Variants in RAB10 observed in about 807,000 individuals in gnomAD.
The protein encoded by RAB10 is RAB10, member RAS oncogene family, also known as ras-related protein Rab-10.
Under a neutral mutation model 25.7 loss-of-function variants are expected in RAB10, and 5 were observed. That is an observed-to-expected ratio of 0.19 (90% CI 0.10 to 0.41). The LOEUF (loss-of-function observed/expected upper bound fraction) is 0.41, where lower values mean the gene tolerates loss of function less well. Ranked by LOEUF, RAB10 falls within the 10% of genes least tolerant of loss-of-function variation. RAB10 has a pLI of 1.00. For missense variants in RAB10, 103 were observed against 245.8 expected, an observed-to-expected ratio of 0.42 and a Z score of 3.89; for synonymous variants, 89 against 86.4, an observed-to-expected ratio of 1.03 and a Z score of -0.16.
At chr2:26,045,146 G>A (rs1286003830) in intron 1 of RAB10, among the ~76,000 whole-genome samples, 1 of 151,958 alleles carries the variant, frequency 6.6e-6, no homozygotes, top group South Asian at 2.1e-4. Context: ...GGTGTATAAT[G>A]ACGCACAAGC....
intron 1 of RAB10, among the ~76,000 whole-genome samples, chr2:26,055,581 G>A (rs992272548): frequency 6.6e-6 from 1 of 152,020 alleles, no homozygotes; most frequent in Non-Finnish European, 1.5e-5. Context: ...TAGAAACGGG[G>A]TTTCAACATG....
At chr2:26,126,320 G>A (rs958901974) in intron 3 of RAB10, among the ~76,000 whole-genome samples, 1 of 152,168 alleles carries the variant, frequency 6.6e-6, no homozygotes, top group Non-Finnish European at 1.5e-5. Context: ...GCTCATGCCT[G>A]TAATCCTAGC....
chr2:26,058,780 A>C (rs537586159), intron 1 of RAB10, among the ~76,000 whole-genome samples: 59 of 152,300 alleles, frequency 3.9e-4, no homozygotes, highest in African/African-American at 1.1e-3. Context: ...CTGCTCAGAT[A>C]GCATTTTGTC....
At chr2:26,113,248 A>G (rs541420377) in intron 3 of RAB10, among the ~76,000 whole-genome samples, 2 of 152,186 alleles carry the variant, frequency 1.3e-5, no homozygotes, top group South Asian at 4.2e-4. Context: ...ACACAGAAAA[A>G]ACATTTGACA....
chr2:26,103,979 G>A (rs1254445286), intron 2 of RAB10, among the ~76,000 whole-genome samples: 7 of 151,780 alleles, frequency 4.6e-5, no homozygotes, highest in Admixed American at 2.6e-4. Context: ...TTATTTATCC[G>A]TTCATTAGTA....
In RAB10 at chr2:26,049,934, A is replaced by G. The variant is rs191450929; in HGVS notation, c.127+15199A>G. On this transcript the variant is annotated intron_variant, in intron 1 of 5. Coordinates refer to ENST00000264710, the MANE Select transcript of RAB10 (RefSeq NM_016131.5). ...TTTCCACATAGCCAAACCACCAGAT[A>G]ATAATCTTTTGGTTTCTGTTGTTTT... 1.8e-4 allele frequency among the ~76,000 whole-genome samples: 27 copies of G among 152,274 alleles called. No homozygotes were observed. The East Asian group carries it at 4.8e-3, about 27-fold the overall frequency.
At chr2:26,129,282 A>G (rs57231702) in intron 5 of RAB10, among the ~76,000 whole-genome samples, 2 of 48,756 alleles carry the variant, frequency 4.1e-5, no homozygotes, top group East Asian at 8.2e-4. Context: ...AAAAAAAAAA[A>G]AAAAAAAAAA....
intron 1 of RAB10, among the ~76,000 whole-genome samples, chr2:26,066,524 C>T (rs1666514706): frequency 6.6e-6 from 1 of 152,146 alleles, no homozygotes; most frequent in African/African-American, 2.4e-5. Context: ...CACAGTTCCT[C>T]ATGGCTGGGG....
Position 26,108,740 on chromosome 2 carries a change from C to T in RAB10, c.189-1028C>T, listed in dbSNP as rs148609787. On this transcript the variant is annotated intron_variant, in intron 2 of 5. Coordinates refer to ENST00000264710, the MANE Select transcript of RAB10 (RefSeq NM_016131.5). ...ATTAGGAAAAGCTGGGTGAAAGGTA[C>T]CCAGGACCTCTCTGCACAGTTTTGT... Among the ~76,000 whole-genome samples, 786 of 152,054 alleles carry T rather than the reference C, an allele frequency of 5.2e-3. 5 individuals carry two copies. Among genetic ancestry groups the T allele is most frequent in the Non-Finnish European group, 7.0e-3 (474 of 67,992 alleles).
intron 1 of RAB10, among the ~76,000 whole-genome samples, chr2:26,097,045 C>T (rs970827912): frequency 3.9e-5 from 6 of 152,046 alleles, no homozygotes; most frequent in South Asian, 2.1e-4. Context: ...GGCAAGACCC[C>T]GTCCTACAAA....
chr2:26,124,389 C>CTTGTTTTTTTT (rs1667864644), intron 3 of RAB10, among the ~76,000 whole-genome samples: 1 of 19,666 alleles, frequency 5.1e-5, no homozygotes, highest in Non-Finnish European at 8.5e-5. Flanking sequence ...GTTGTTGTTG[C>CTTGTTTTTTTT]TTTTTTTTTT....
intron 1 of RAB10, among the ~76,000 whole-genome samples, chr2:26,046,290 A>G (rs936069858): frequency 5.3e-5 from 8 of 151,824 alleles, no homozygotes; most frequent in African/African-American, 1.9e-4. Context: ...ACGTCATTGC[A>G]CTCCAGCCTA....
At chr2:26,033,292 G>C (rs1665665983), upstream of RAB10, among the ~76,000 whole-genome samples, 1 of 152,154 alleles carries the variant, frequency 6.6e-6, no homozygotes, top group African/African-American at 2.4e-5. Context: ...ATTCCTGAAG[G>C]ACGGCAAAGG....
intron 1 of RAB10, among the ~76,000 whole-genome samples, chr2:26,051,557 C>T (rs1666133510): frequency 6.7e-6 from 1 of 150,234 alleles, no homozygotes; most frequent in African/African-American, 2.5e-5. Context: ...CGAGACCATC[C>T]TGACCAACAT....
intron 1 of RAB10, among the ~76,000 whole-genome samples, chr2:26,036,386 C>T (rs924089895): frequency 6.6e-6 from 1 of 152,094 alleles, no homozygotes; most frequent in Non-Finnish European, 1.5e-5. Flanking sequence ...CTGGGCCGGG[C>T]GCGGTGGCTC....
At chr2:26,057,081 G>T (rs373787486) in intron 1 of RAB10, among the ~76,000 whole-genome samples, 5 of 152,216 alleles carry the variant, frequency 3.3e-5, no homozygotes, top group African/African-American at 1.2e-4. Flanking sequence ...TAGGGAATAT[G>T]CAAGAAGGAG....
intron 1 of RAB10, among the ~76,000 whole-genome samples, chr2:26,051,335 CCCTT>C (rs990412320): frequency 7.8e-6 from 1 of 127,786 alleles, no homozygotes; most frequent in African/African-American, 2.9e-5. Context: ...ACTTTCTCTT[CCCTT>C]CCTTCAAGTC....
chr2:26,102,416 ATT>A (rs59552007), intron 2 of RAB10, among the ~76,000 whole-genome samples: 1 of 133,378 alleles, frequency 7.5e-6, no homozygotes, highest in African/African-American at 2.8e-5. Context: ...CTGGGCTGTG[ATT>A]TTTTTTTTTC....
intron 3 of RAB10, among the ~76,000 whole-genome samples, chr2:26,119,631 C>T (rs1325970214): frequency 6.6e-6 from 1 of 152,010 alleles, no homozygotes; most frequent in East Asian, 1.9e-4. Context: ...AAGCTATCCT[C>T]CCAGCCTAGC....
Sources: gnomAD v4.1 joint callset for allele counts (sites outside exome capture counted in the v4.1 genomes callset) on GRCh38, gnomAD v4.1.1 for gene constraint, MANE v1.5 for transcripts, NCBI Gene and HGNC (gene_info 2026-07-23, HGNC 2026-07-21) for gene names.